The following MVB12B variants were observed in gnomAD, a reference collection of about 807,000 sequenced individuals.
The protein encoded by MVB12B is ESCRT-I complex subunit MVB12B.
A neutral mutation model predicts 41.6 loss-of-function variants in MVB12B; 16 were observed. That is an observed-to-expected ratio of 0.38 (90% CI 0.26 to 0.58). The LOEUF (loss-of-function observed/expected upper bound fraction) is 0.58. Ranked by LOEUF, MVB12B falls within the 20% of genes least tolerant of loss-of-function variation. The probability of loss-of-function intolerance (pLI) is 0.62; values close to 1 mark genes in which losing one functional copy is unlikely to be tolerated. For synonymous variants in MVB12B, 133 were observed against 139.7 expected, an observed-to-expected ratio of 0.95 and a Z score of 0.34; for missense variants, 274 against 380.2, an observed-to-expected ratio of 0.72 and a Z score of 2.32.
At chr9:126,437,762 T>G (rs1050397287) in intron 7 of MVB12B, among the ~76,000 whole-genome samples, 1 of 152,240 alleles carries the variant, frequency 6.6e-6, no homozygotes, top group African/African-American at 2.4e-5. Flanking sequence ...TAAGCAGATA[T>G]GACTGATCCT....
chr9:126,371,948 A>G (rs1184402013), intron 2 of MVB12B, among the ~76,000 whole-genome samples: 1 of 152,208 alleles, frequency 6.6e-6, no homozygotes. Context: ...TAGTATAGCC[A>G]CAGATTTGCA....
intron 2 of MVB12B, among the ~76,000 whole-genome samples, chr9:126,341,837 C>T (rs1039903044): frequency 1.4e-4 from 21 of 152,222 alleles, no homozygotes; most frequent in Middle Eastern, 3.4e-3. Context: ...GCAGAATCAC[C>T]CCCCATTGAG....
chr9:126,424,751 C>A (rs954034227), intron 7 of MVB12B, among the ~76,000 whole-genome samples: 1 of 152,264 alleles, frequency 6.6e-6, no homozygotes, highest in African/African-American at 2.4e-5. Flanking sequence ...TCCTGAGATG[C>A]CTGTGGCCTG....
At chr9:126,411,284 A>G (rs1278856132) in intron 6 of MVB12B, among the ~76,000 whole-genome samples, 2 of 152,240 alleles carry the variant, frequency 1.3e-5, no homozygotes, top group Admixed American at 1.3e-4. Flanking sequence ...TTTGTGATAT[A>G]GGAGATTTAT....
At chr9:126,432,894 G>T (rs905665818) in intron 7 of MVB12B, among the ~76,000 whole-genome samples, 5 of 152,174 alleles carry the variant, frequency 3.3e-5, no homozygotes, top group Admixed American at 3.3e-4. Flanking sequence ...GACTAACTTG[G>T]TGTACTGGGC....
Position 126,395,980 on chromosome 9 carries a change from G to A in MVB12B, c.662+283G>A. On this transcript the variant is annotated intron_variant, in intron 6 of 9. Transcript: ENST00000361171. This position sits in a 1 kb window ranked among gnomAD's most constrained non-coding sequence, Gnocchi z 4.9. ...GGCTCCCTATTCAAAAGAGCTGCTAGCTACACACAGACACGTGCTGTATAG... is the reference window on the plus strand; with the variant it reads ...GGCTCCCTATTCAAAAGAGCTGCTAACTACACACAGACACGTGCTGTATAG... 8.1e-7 allele frequency: 1 copy of A among 1,234,364 alleles called. No individual in the cohort carries two copies. Among genetic ancestry groups the A allele is most frequent in the South Asian group, 2.0e-5 (1 of 50,114 alleles). 76.5% of individuals were successfully genotyped at this position (1,234,364 alleles called of 1,614,324 possible).
At chr9:126,471,747 G>A (rs10987294) in intron 7 of MVB12B, among the ~76,000 whole-genome samples, 3 of 152,214 alleles carry the variant, frequency 2.0e-5, no homozygotes. Flanking sequence ...GAAAGGCTTA[G>A]GGTTGCTGAT....
chr9:126,446,557 G>T (rs113184456), intron 7 of MVB12B, among the ~76,000 whole-genome samples: 153 of 148,632 alleles, frequency 1.0e-3, no homozygotes, highest in African/African-American at 3.6e-3. Flanking sequence ...GGACCTGGAA[G>T]CTAGGGGCAT....
chr9:126,337,189 C>G (rs1829308217), intron 1 of MVB12B, among the ~76,000 whole-genome samples: 2 of 152,272 alleles, frequency 1.3e-5, no homozygotes, highest in South Asian at 4.1e-4. Context: ...CTGATTGGCC[C>G]TGCAACTTCC....
At chr9:126,497,714 C>T (rs1485038262) in intron 9 of MVB12B, among the ~76,000 whole-genome samples, 2 of 152,348 alleles carry the variant, frequency 1.3e-5, no homozygotes, top group East Asian at 3.9e-4. Flanking sequence ...CCTAGTGAAG[C>T]ACTTTCTCAC....
intron 7 of MVB12B, among the ~76,000 whole-genome samples, chr9:126,446,789 A>C (rs1832778587): frequency 6.6e-6 from 1 of 151,504 alleles, no homozygotes; most frequent in Non-Finnish European, 1.5e-5. Context: ...ATATATCCTG[A>C]TGTTATTTTT....
At chr9:126,456,429 C>T (rs1293758750) in intron 7 of MVB12B, among the ~76,000 whole-genome samples, 2 of 152,102 alleles carry the variant, frequency 1.3e-5, no homozygotes, top group African/African-American at 2.4e-5. Flanking sequence ...TAAATTTTGT[C>T]ACTAAAATAA....
chr9:126,483,560 C>T (rs1399140826), intron 8 of MVB12B, among the ~76,000 whole-genome samples: 1 of 152,142 alleles, frequency 6.6e-6, no homozygotes, highest in Non-Finnish European at 1.5e-5. Flanking sequence ...AGTGGCTGGG[C>T]GGCCTCCGGG....
Position 126,400,629 on chromosome 9 carries a change from A to G in MVB12B, c.662+4932A>G, listed in dbSNP as rs538503048. Reference sequence around the variant, plus strand: ...GCAGTGGGCAGGGAGGGCACAGAGCAGTGGGCCTTGGTTTCAGAGGTCCTC... The same window carrying G: ...GCAGTGGGCAGGGAGGGCACAGAGCGGTGGGCCTTGGTTTCAGAGGTCCTC... On this transcript the variant is annotated intron_variant, in intron 6 of 9. Coordinates refer to ENST00000361171, the MANE Select transcript of MVB12B (RefSeq NM_033446.3). 7.2e-5 allele frequency among the ~76,000 whole-genome samples: 11 copies of G among 152,334 alleles called. No homozygotes were observed. In the South Asian group the frequency reaches 1.2e-3, roughly 17 times the overall value.
chr9:126,445,479 T>A (rs550821100), intron 7 of MVB12B, among the ~76,000 whole-genome samples: 1 of 152,202 alleles, frequency 6.6e-6, no homozygotes, highest in Non-Finnish European at 1.5e-5. Context: ...AATTTTTGTA[T>A]TTTTAGTAGA....
At chr9:126,477,762 C>G (rs1440373300) in intron 7 of MVB12B, among the ~76,000 whole-genome samples, 2 of 152,220 alleles carry the variant, frequency 1.3e-5, no homozygotes, top group Non-Finnish European at 2.9e-5. Context: ...GGGGACATAG[C>G]TAAACTATAT....
intron 1 of MVB12B, among the ~76,000 whole-genome samples, chr9:126,327,956 C>A (rs1829030354): frequency 6.6e-6 from 1 of 152,160 alleles, no homozygotes; most frequent in Non-Finnish European, 1.5e-5. Context: ...CTCTTAGGGG[C>A]CTTTGTCTCT....
intron 4 of MVB12B, among the ~76,000 whole-genome samples, chr9:126,387,016 A>G (rs1245991517): frequency 6.6e-6 from 1 of 152,220 alleles, no homozygotes; most frequent in Non-Finnish European, 1.5e-5. Flanking sequence ...AGCGGAAAGA[A>G]AACAATCAAA....
rs1834026957 is a variant in MVB12B, at chr9:126,504,487, G to A, written c.*1224G>A. The A allele has an allele frequency of 6.6e-6, 1 of 152,558 alleles. No homozygotes were observed. Among genetic ancestry groups the A allele is most frequent in the Non-Finnish European group, 1.5e-5 (1 of 68,142 alleles). 9.5% of individuals were successfully genotyped at this position (152,558 alleles called of 1,614,324 possible). A position where few individuals can be genotyped will look rare whatever the true frequency, so the allele number is the denominator to read the frequency against. On this transcript the variant is annotated 3_prime_UTR_variant, in exon 10 of 10. Coordinates refer to ENST00000361171, the MANE Select transcript of MVB12B (RefSeq NM_033446.3). ...GTGGAGGCTTGATGCTGCGGTTGGGGGCTGCACTACCTGCGTCCGTGGAAG... is the reference window on the plus strand; with the variant it reads ...GTGGAGGCTTGATGCTGCGGTTGGGAGCTGCACTACCTGCGTCCGTGGAAG...
Sources: gnomAD v4.1 joint callset for allele counts (sites outside exome capture counted in the v4.1 genomes callset) on GRCh38, gnomAD v4.1.1 for gene constraint, Gnocchi (gnomAD v3.1) non-coding constraint, MANE v1.5 for transcripts, NCBI Gene and HGNC (gene_info 2026-07-23, HGNC 2026-07-21) for gene names.